CIAO3: variants seen among roughly 807,000 people sequenced by gnomAD.
CIAO3 encodes the protein LET1 like/JFP15.
Under a neutral mutation model 51.5 loss-of-function variants are expected in CIAO3, and 45 were observed. That is an observed-to-expected ratio of 0.87 (90% CI 0.69 to 1.12). The LOEUF (loss-of-function observed/expected upper bound fraction) is 1.12, where lower values mean the gene tolerates loss of function less well. Among genes scored for constraint, CIAO3 ranks in the 50% most tolerant of loss-of-function variants. The pLI, the probability that CIAO3 is intolerant of heterozygous loss-of-function variation, is 0.00. For missense variants in CIAO3, 668 were observed against 632.5 expected (o/e 1.06, Z -0.60); for synonymous variants, 314 against 269.3 (o/e 1.17, Z -1.63).
At chr16:736,877 TG>T (rs2041344507) in intron 3 of CIAO3, 1 of 387,430 alleles carries the variant, frequency 2.6e-6, no homozygotes, top group African/African-American at 2.0e-5. Context: ...TTGGCCACGG[TG>T]GTCTCGAACT....
rs1351936500 is a variant in CIAO3 at position 734,411 on chromosome 16, G to A, written c.575-64C>T. On this transcript the variant is annotated intron_variant, in intron 5 of 10. Transcript: ENST00000251588. Reference sequence around the variant, plus strand: ...ACGGCGGCCCCCGCACCCACAGGCAGCAGCACGACATTCTGGGGGCGGGCC... The same window carrying A: ...ACGGCGGCCCCCGCACCCACAGGCAACAGCACGACATTCTGGGGGCGGGCC... 2.5e-6 allele frequency: 3 copies of A among 1,209,424 alleles called. 1 individual carries two copies. Among genetic ancestry groups the A allele is most frequent in the Non-Finnish European group, 3.5e-6 (3 of 850,400 alleles). 74.9% of individuals were successfully genotyped at this position (1,209,424 alleles called of 1,614,324 possible).
At chr16:734,008 G>A in intron 6 of CIAO3, 2 of 535,736 alleles carry the variant, frequency 3.7e-6, no homozygotes, top group Non-Finnish European at 6.8e-6. Flanking sequence ...CTCAGGCCTG[G>A]CTGCCTCTGG....
At position 737,206 on chromosome 16, in the gene CIAO3, T is replaced by G; in HGVS notation, c.286A>C (p.Lys96Gln). The G allele has an allele frequency of 6.2e-7, 1 of 1,613,732 alleles. No homozygotes were observed. Among genetic ancestry groups the G allele is most frequent in the Non-Finnish European group, 8.5e-7 (1 of 1,179,998 alleles). ...CTTACCTTGTTAGCATCTAGAACCT[T>G]CTTCAGCTCCTCGTGGCTCTGCTGG... ...ITQQSHEELK[K>Q]VLDANKMAAP... The change falls in exon 3 of 11, where the codon AAG becomes CAG. Residue 96 changes from lysine (K) to glutamine (Q), a missense_variant. By Grantham distance (53) the Lys-to-Gln change is moderately conservative. Transcript: ENST00000251588. This position sits in a 1 kb window ranked among gnomAD's most constrained non-coding sequence, Gnocchi z 5.3.
intron 1 of CIAO3, chr16:740,152 C>G (rs901364757): frequency 7.8e-7 from 1 of 1,275,704 alleles, no homozygotes; most frequent in Non-Finnish European, 1.0e-6. Context: ...AAGTGGATTT[C>G]TCTCTCTTCT....
intron 3 of CIAO3, 147 bp from the exon 4 acceptor site, chr16:736,545 C>G: frequency 4.0e-6 from 4 of 1,008,524 alleles, no homozygotes; most frequent in Non-Finnish European, 5.7e-6. Context: ...CACAGAGTCT[C>G]ACTCTGTTGC....
intron 5 of CIAO3, 97 bp downstream of exon 5, chr16:734,640 A>G: frequency 1.3e-6 from 2 of 1,599,464 alleles, no homozygotes; most frequent in Non-Finnish European, 1.7e-6. Flanking sequence ...TTGCGTCTCC[A>G]CCCCCCATGC....
chr16:730,617 T>C lies in CIAO3; in HGVS notation c.1231A>G (p.Arg411Gly), dbSNP rs576737498. The C allele has an allele frequency of 3.1e-6, 5 of 1,610,320 alleles. No individual in the cohort carries two copies. The South Asian group carries it at 3.3e-5, about 11-fold the overall frequency. ...NGGGQLQAPD[R>G]PSRELLQHVE... Reference sequence around the variant, plus strand: ...TGCTGGAGGAGCTCTCTGCTGGGCCTGTCTGGGGCCTGGAGCTGGCCCCCG... The same window carrying C: ...TGCTGGAGGAGCTCTCTGCTGGGCCCGTCTGGGGCCTGGAGCTGGCCCCCG... The change falls in exon 11 of 11, where the codon AGG (arginine) becomes GGG (glycine). Residue 411 changes from arginine (R) to glycine (G), a missense_variant. Physicochemically the swap from Arg to Gly is moderately radical, Grantham distance 125. Transcript: ENST00000251588.
At chr16:740,390 G>T (rs1049887920) in intron 1 of CIAO3, 15 of 322,074 alleles carry the variant, frequency 4.7e-5, no homozygotes, top group African/African-American at 3.0e-4. Context: ...CCACTGCGGG[G>T]CGTCTAGCGG....
Position 732,958 on chromosome 16 carries a change from A to G in CIAO3, c.823+340T>C, listed in dbSNP as rs1356270638. ...GCCACAGTTTGCTTTTCTGCCTCAC[A>G]TTTGGGAGACTGTGGGGCTGCTCGA... On this transcript the variant is annotated intron_variant, in intron 7 of 10. Coordinates refer to ENST00000251588, the MANE Select transcript of CIAO3 (RefSeq NM_022493.3). The G allele has an allele frequency of 1.2e-5, 4 of 340,402 alleles. No individual in the cohort carries two copies. The East Asian group carries it at 2.2e-4, about 19-fold the overall frequency. The allele number at this position is 340,402 out of a possible 1,614,324, so 21.1% of individuals were successfully genotyped here.
Position 736,308 on chromosome 16 carries a change from T to C in CIAO3, c.397A>G (p.Thr133Ala), listed in dbSNP as rs1359135322. The change falls in exon 4 of 11, where the codon ACA becomes GCA. Residue 133 changes from threonine to alanine, a missense_variant. Thr to Ala is a moderately conservative substitution (Grantham distance 58, BLOSUM62 0). Coordinates refer to ENST00000251588, the MANE Select transcript of CIAO3 (RefSeq NM_022493.3). ...GAGGTTAATTTCCTGGCAGTATCTG[T>C]AGGATTCAGCTGAAACCGTGCAGCC... ...SLAARFQLNP[T>A]DTARKLTSFF... 6.2e-7 allele frequency: 1 copy of C among 1,613,038 alleles called. No individual in the cohort carries two copies. The highest frequency in any genetic ancestry group is 8.5e-7 in the Non-Finnish European group (1 of 1,179,804).
chr16:734,898 T>G, intron 4 of CIAO3, 27 bp from the exon 5 acceptor site: 1 of 1,530,122 alleles, frequency 6.5e-7, no homozygotes, highest in Non-Finnish European at 8.8e-7. Context: ...GGTGCCTGGT[T>G]AACCCCATGC....
At chr16:738,474 G>T in intron 2 of CIAO3, 3 of 368,684 alleles carry the variant, frequency 8.1e-6, no homozygotes, top group Non-Finnish European at 1.1e-5. Flanking sequence ...TCAGCTTCCC[G>T]GTAGCTGGGA....
chr16:739,463 C>T, intron 2 of CIAO3, 180 bp downstream of exon 2: 1 of 642,352 alleles, frequency 1.6e-6, no homozygotes, highest in Non-Finnish European at 2.8e-6. Context: ...GCTGCTCATT[C>T]ACCTGCCCCA....
rs2151602974 is a variant in CIAO3, at chr16:736,333, C to T, written c.372G>A (p.Leu124=). The part of the protein sequence containing the change: ...VSVSPQSRAS[L]AARFQLNPTD... ...TAGGATTCAGCTGAAACCGTGCAGC[C>T]AGCGATGCTCTAGACTGTGGTGAGA... Residue 124 remains leucine, a synonymous_variant, in exon 4 of 11, where the codon CTG becomes CTA. Transcript: ENST00000251588. The T allele has an allele frequency of 6.2e-7, 1 of 1,613,070 alleles. No individual in the cohort carries two copies. The highest frequency in any genetic ancestry group is 8.5e-7 in the Non-Finnish European group (1 of 1,179,822).
intron 8 of CIAO3, chr16:732,036 T>G: frequency 7.6e-6 from 4 of 526,624 alleles, no homozygotes. Context: ...TACCACCATG[T>G]CTGGCTAAAT....
At chr16:738,219 A>G (rs1000441451) in intron 2 of CIAO3, 3 of 989,578 alleles carry the variant, frequency 3.0e-6, no homozygotes, top group Non-Finnish European at 3.6e-6. Flanking sequence ...AGCACCTTCC[A>G]GGGGTTCCCT....
At chr16:731,037 C>T (rs760270490) in intron 9 of CIAO3, 37 bp from the exon 10 acceptor site, 2 of 1,608,398 alleles carry the variant, frequency 1.2e-6, no homozygotes, top group South Asian at 2.2e-5. Context: ...ACATGGCACA[C>T]CCACCAGGCT....
intron 7 of CIAO3, 28 bp downstream of exon 7, chr16:733,270 G>A (rs368565374): frequency 1.2e-6 from 2 of 1,610,962 alleles, no homozygotes; most frequent in Admixed American, 1.7e-5. Context: ...GAGGCTTGAG[G>A]GCTCAGGGCC....
intron 3 of CIAO3, 36 bp from the exon 4 acceptor site, chr16:736,434 G>A (rs150641624): frequency 6.2e-7 from 1 of 1,610,482 alleles, no homozygotes; most frequent in South Asian, 1.1e-5. Flanking sequence ...TTACTCTGCT[G>A]GCCTTATGCT....
Sources: allele counts gnomAD v4.1 joint callset, GRCh38; gene constraint gnomAD v4.1.1; non-coding constraint Gnocchi (gnomAD v3.1); transcripts MANE v1.5; gene names NCBI Gene and HGNC (gene_info 2026-07-23, HGNC 2026-07-21).